Variants in FSTL5 observed in about 807,000 individuals in gnomAD.
FSTL5 encodes follistatin like 5, also known as follistatin-related protein 5.
Under a neutral mutation model 89.1 loss-of-function variants are expected in FSTL5, and 62 were observed. The ratio of observed to expected loss-of-function variants is 0.70; its 90% CI spans 0.57 to 0.86. FSTL5 has a LOEUF of 0.86. Among genes scored for constraint, FSTL5 ranks in the 40% least tolerant of loss-of-function variants. FSTL5 has a pLI of 0.00. For synonymous variants in FSTL5, 383 were observed against 346.2 expected (o/e 1.11, Z -1.18); for missense variants, 1,057 against 1,001.6 (o/e 1.06, Z -0.75).
At chr4:161,807,773 A>G (rs759773779) in intron 4 of FSTL5, among the ~76,000 whole-genome samples, 1 of 152,226 alleles carries the variant, frequency 6.6e-6, no homozygotes, top group Non-Finnish European at 1.5e-5. Flanking sequence ...CTTGCAATAA[A>G]GAAGACAGAT....
At chr4:161,762,859 C>T (rs571818017) in intron 5 of FSTL5, among the ~76,000 whole-genome samples, 1 of 152,040 alleles carries the variant, frequency 6.6e-6, no homozygotes, top group African/African-American at 2.4e-5. Context: ...TTGGGCCCTC[C>T]AATGGTTTGG....
intron 4 of FSTL5, among the ~76,000 whole-genome samples, chr4:161,823,212 G>A (rs1056297137): frequency 2.6e-5 from 4 of 151,968 alleles, no homozygotes; most frequent in Admixed American, 1.3e-4. Context: ...GCCGTCCCTC[G>A]CTTGAAGGTC....
At chr4:161,707,169 T>G (rs2126735855) in intron 6 of FSTL5, among the ~76,000 whole-genome samples, 1 of 152,048 alleles carries the variant, frequency 6.6e-6, no homozygotes, top group South Asian at 2.1e-4. Flanking sequence ...ACAAATTGTT[T>G]ATAATTTGTA....
chr4:161,970,596 T>C (rs554165480), intron 3 of FSTL5, among the ~76,000 whole-genome samples: 43 of 152,162 alleles, frequency 2.8e-4, no homozygotes, highest in African/African-American at 9.9e-4. Context: ...AAAAGTAAAA[T>C]GCTGCCTTAT....
chr4:162,017,152 C>G (rs1736937369), intron 3 of FSTL5, among the ~76,000 whole-genome samples: 1 of 152,170 alleles, frequency 6.6e-6, no homozygotes, highest in Non-Finnish European at 1.5e-5. Context: ...CCTGTGGTTA[C>G]TCCGTGCAGG....
rs143251894 is a variant in FSTL5 at position 161,890,918 on chromosome 4, T to C, written c.409+29486A>G. 5.3e-4 allele frequency among the ~76,000 whole-genome samples: 80 copies of C among 152,212 alleles called. 2 individuals are homozygous for C. The East Asian group carries it at 0.015, about 29-fold the overall frequency. Reference sequence around the variant, plus strand: ...TTGATTGAACGTTAAAATTATATACTGTCTCTAACTCAAAGGCAACTAGTT... The same window carrying C: ...TTGATTGAACGTTAAAATTATATACCGTCTCTAACTCAAAGGCAACTAGTT... On this transcript the variant is annotated intron_variant, in intron 4 of 15. Transcript: ENST00000306100.
chr4:161,823,563 T>C (rs1730567576), intron 4 of FSTL5, among the ~76,000 whole-genome samples: 1 of 152,156 alleles, frequency 6.6e-6, no homozygotes, highest in Non-Finnish European at 1.5e-5. Flanking sequence ...CTTCTGAGCC[T>C]GAAGGGGAAG....
At chr4:161,638,518 C>T (rs1161457977) in intron 7 of FSTL5, among the ~76,000 whole-genome samples, 2 of 151,960 alleles carry the variant, frequency 1.3e-5, no homozygotes, top group African/African-American at 4.8e-5. Context: ...AGTTTACCAA[C>T]CAAAAAGAGT....
At chr4:161,541,256 A>G (rs1731809634) in intron 9 of FSTL5, among the ~76,000 whole-genome samples, 1 of 152,120 alleles carries the variant, frequency 6.6e-6, no homozygotes. Flanking sequence ...AAAAATTTAC[A>G]GTAATTTCTT....
intron 15 of FSTL5, among the ~76,000 whole-genome samples, chr4:161,446,017 G>A (rs768257381): frequency 1.3e-4 from 19 of 151,866 alleles, no homozygotes; most frequent in South Asian, 2.1e-4. Flanking sequence ...CAAAATAACT[G>A]GTAATTTCTT....
At chr4:161,786,252 A>G (rs555274226) in intron 4 of FSTL5, among the ~76,000 whole-genome samples, 1 of 152,208 alleles carries the variant, frequency 6.6e-6, no homozygotes, top group Non-Finnish European at 1.5e-5. Flanking sequence ...ATGTAGGCTC[A>G]ATCGTTGTAG....
intron 5 of FSTL5, among the ~76,000 whole-genome samples, chr4:161,763,631 A>G (rs1277743820): frequency 1.3e-5 from 2 of 152,090 alleles, no homozygotes; most frequent in African/African-American, 4.8e-5. Context: ...GCAATTGTGA[A>G]CTCATAGAGT....
intron 8 of FSTL5, among the ~76,000 whole-genome samples, chr4:161,574,498 T>C (rs1275915422): frequency 6.6e-6 from 1 of 152,126 alleles, no homozygotes. Context: ...TTTGTCCTAA[T>C]GCTCTCCCTC....
intron 3 of FSTL5, among the ~76,000 whole-genome samples, chr4:162,026,304 C>CTTTCTT (rs1737281523): frequency 1.3e-5 from 1 of 79,474 alleles, no homozygotes; most frequent in Non-Finnish European, 2.2e-5. Context: ...TATGTATTTT[C>CTTTCTT]TTTTTTTTTT....
chr4:161,887,163 A>T (rs932194356), intron 4 of FSTL5, among the ~76,000 whole-genome samples: 4 of 152,186 alleles, frequency 2.6e-5, no homozygotes, highest in African/African-American at 9.6e-5. Flanking sequence ...CATGTTTTCA[A>T]GGGTATCAGC....
chr4:161,860,609 C>T (rs964874901), intron 4 of FSTL5, among the ~76,000 whole-genome samples: 12 of 152,178 alleles, frequency 7.9e-5, no homozygotes, highest in Non-Finnish European at 1.5e-4. Context: ...TGGAGCTCTA[C>T]AATTGTTTGT....
chr4:161,734,220 T>G (rs1560816073), intron 6 of FSTL5, among the ~76,000 whole-genome samples: 1 of 152,014 alleles, frequency 6.6e-6, no homozygotes, highest in Non-Finnish European at 1.5e-5. Flanking sequence ...GGATTTTAAA[T>G]AAAAAAATAA....
At chr4:162,002,374 C>G (rs1330061924) in intron 3 of FSTL5, among the ~76,000 whole-genome samples, 1 of 152,170 alleles carries the variant, frequency 6.6e-6, no homozygotes, top group Non-Finnish European at 1.5e-5. Context: ...CTAAGCTCCC[C>G]CTGAACTGAA....
chr4:162,045,612 C>T (rs941065658), intron 2 of FSTL5, among the ~76,000 whole-genome samples: 5 of 151,930 alleles, frequency 3.3e-5, no homozygotes, highest in African/African-American at 4.8e-5. Flanking sequence ...CAAAATGTGA[C>T]ACAGTGATAT....
Sources: allele counts gnomAD v4.1 joint callset (sites outside exome capture counted in the v4.1 genomes callset), GRCh38; gene constraint gnomAD v4.1.1; transcripts MANE v1.5; gene names NCBI Gene and HGNC (gene_info 2026-07-23, HGNC 2026-07-21).